HOXD3: variants seen among roughly 807,000 people sequenced by gnomAD.
The protein encoded by HOXD3 is homeobox D3.
Under a neutral mutation model 32.8 loss-of-function variants are expected in HOXD3, and 13 were observed. The ratio of observed to expected loss-of-function variants is 0.40; its 90% CI spans 0.26 to 0.63. HOXD3 has a LOEUF of 0.63. HOXD3 is among the 20% of genes least tolerant of loss of function. HOXD3 has a pLI of 0.44. For missense variants in HOXD3, 504 were observed against 577.1 expected (o/e 0.87, Z 1.30); for synonymous variants, 241 against 246.8 (o/e 0.98, Z 0.22).
At chr2:176,170,194 C>T (rs567275857) in intron 3 of HOXD3, among the ~76,000 whole-genome samples, 3 of 152,314 alleles carry the variant, frequency 2.0e-5, no homozygotes, top group Admixed American at 2.0e-4. Context: ...AGAGGATAGG[C>T]AACTTGCCCA....
upstream of HOXD3, among the ~76,000 whole-genome samples, chr2:176,154,720 C>G (rs978255725): frequency 6.6e-6 from 1 of 152,178 alleles, no homozygotes; most frequent in African/African-American, 2.4e-5. Context: ...AAGCCTTGGT[C>G]TTTTGTATTA....
intron 1 of HOXD3, among the ~76,000 whole-genome samples, chr2:176,162,966 T>G (rs1690853439): frequency 6.6e-6 from 1 of 152,124 alleles, no homozygotes; most frequent in Non-Finnish European, 1.5e-5. Context: ...AGAGCCCTGG[T>G]ACCTCGGGCC....
At chr2:176,153,136 G>A (rs763138953), upstream of HOXD3, 7 of 514,216 alleles carry the variant, frequency 1.4e-5, no homozygotes, top group South Asian at 8.0e-5. Flanking sequence ...GGGGATGGGA[G>A]GGGGGGCGGG....
chr2:176,172,371 C>G lies in HOXD3; in HGVS notation c.*97C>G, dbSNP rs922159691. On this transcript the variant is annotated 3_prime_UTR_variant, in exon 4 of 4. Coordinates refer to ENST00000683222, the MANE Select transcript of HOXD3 (RefSeq NM_006898.5). Reference sequence around the variant, plus strand: ...CGCGGGGCAGTTCGGGAACCCCCTTCCCCGCTCTTGCCCTGCCGCCGCCTC... The same window carrying G: ...CGCGGGGCAGTTCGGGAACCCCCTTGCCCGCTCTTGCCCTGCCGCCGCCTC... The G allele has an allele frequency of 4.0e-6, 5 of 1,245,596 alleles. No homozygotes were observed. Among genetic ancestry groups the G allele is most frequent in the Non-Finnish European group, 4.3e-6 (4 of 920,188 alleles). 77.2% of individuals were successfully genotyped at this position (1,245,596 alleles called of 1,614,324 possible).
At chr2:176,155,600 C>T (rs1044503154), upstream of HOXD3, among the ~76,000 whole-genome samples, 28 of 152,162 alleles carry the variant, frequency 1.8e-4, no homozygotes, top group Non-Finnish European at 2.9e-4. Flanking sequence ...TTTGGGCCCA[C>T]AGGAGTGGGC....
At chr2:176,163,777 A>C (rs1056423894) in intron 1 of HOXD3, among the ~76,000 whole-genome samples, 3 of 152,018 alleles carry the variant, frequency 2.0e-5, no homozygotes, top group Admixed American at 1.3e-4. Context: ...GCAGGAGGAG[A>C]GCAGATTGGC....
intron 2 of HOXD3, among the ~76,000 whole-genome samples, chr2:176,168,656 C>G (rs1471001907): frequency 6.6e-6 from 1 of 152,080 alleles, no homozygotes; most frequent in South Asian, 2.1e-4. Flanking sequence ...CTGAAATACT[C>G]TGAAATAGCT....
intron 1 of HOXD3, among the ~76,000 whole-genome samples, chr2:176,160,516 T>C (rs1277624187): frequency 2.6e-5 from 4 of 152,210 alleles, no homozygotes; most frequent in Non-Finnish European, 5.9e-5. Context: ...CCTGCGCCCT[T>C]CCTTCCAGCC....
chr2:176,156,379 T>A (rs925934616), upstream of HOXD3, among the ~76,000 whole-genome samples: 1 of 152,194 alleles, frequency 6.6e-6, no homozygotes, highest in African/African-American at 2.4e-5. Flanking sequence ...CCCAGGTTAA[T>A]AGGGGGATCC....
upstream of HOXD3, chr2:176,152,888 C>A (rs371037366): frequency 1.2e-6 from 2 of 1,614,208 alleles, no homozygotes; most frequent in South Asian, 1.1e-5. This position sits in a 1 kb window ranked among gnomAD's most constrained non-coding sequence, Gnocchi z 5.2. Context: ...TCGCCCCCAG[C>A]CAGCATTTAC....
chr2:176,171,468 G>T, intron 3 of HOXD3, 49 bp from the exon 4 acceptor site: 2 of 1,512,070 alleles, frequency 1.3e-6, no homozygotes, highest in Non-Finnish European at 1.8e-6. Flanking sequence ...CAGTCCTGAG[G>T]GTCCCCACCC....
intron 1 of HOXD3, among the ~76,000 whole-genome samples, chr2:176,161,523 C>T (rs778377726): frequency 6.6e-5 from 10 of 152,192 alleles, no homozygotes; most frequent in Non-Finnish European, 1.2e-4. Context: ...GTGTCTTGAG[C>T]TGCCGGGCTG....
chr2:176,161,447 T>A (rs376743655), intron 1 of HOXD3, among the ~76,000 whole-genome samples: 1 of 152,298 alleles, frequency 6.6e-6, no homozygotes, highest in East Asian at 1.9e-4. Flanking sequence ...GAGAATGGGC[T>A]GAAAAAGAAA....
intron 3 of HOXD3, 104 bp from the exon 4 acceptor site, chr2:176,171,413 T>G (rs1266906456): frequency 2.5e-5 from 26 of 1,055,018 alleles, no homozygotes; most frequent in Non-Finnish European, 3.3e-5. Context: ...GGATTGGAGG[T>G]GGGGGGAGGG....
rs1690672711 is a variant in HOXD3 at position 176,157,436 on chromosome 2, C to T, written c.-197C>T. Among the ~76,000 whole-genome samples, 1 of 152,116 alleles carries T rather than the reference C, an allele frequency of 6.6e-6. No individual in the cohort carries two copies. The highest frequency in any genetic ancestry group is 1.5e-5 in the Non-Finnish European group (1 of 68,014). On this transcript the variant is annotated 5_prime_UTR_variant, in exon 1 of 4. Coordinates refer to ENST00000683222, the MANE Select transcript of HOXD3 (RefSeq NM_006898.5). ...CTCCACCCCCGGCCCCCGGCGGGCG[C>T]GGGAGCGCGGCCGCAGGTAAATATT...
intron 1 of HOXD3, among the ~76,000 whole-genome samples, chr2:176,162,016 A>C (rs946550986): frequency 6.6e-6 from 1 of 152,232 alleles, no homozygotes; most frequent in Non-Finnish European, 1.5e-5. Context: ...CCACTGGGCC[A>C]GACCCAACCG....
upstream of HOXD3, among the ~76,000 whole-genome samples, chr2:176,157,161 G>A (rs953479345): frequency 6.6e-5 from 10 of 152,166 alleles, no homozygotes; most frequent in Admixed American, 2.0e-4. Context: ...CGGGCTGGGC[G>A]GCCGGGGCTC....
chr2:176,166,352 C>T (rs1690970533), intron 2 of HOXD3, among the ~76,000 whole-genome samples: 1 of 152,166 alleles, frequency 6.6e-6, no homozygotes, highest in South Asian at 2.1e-4. Context: ...ACTTTGTCAA[C>T]TTGGGAGGCA....
At chr2:176,152,892 C>G (rs763200266), upstream of HOXD3, 17 of 1,614,114 alleles carry the variant, frequency 1.1e-5, no homozygotes, top group Non-Finnish European at 1.4e-5. The surrounding 1 kb of genome is among the most constrained non-coding windows in gnomAD (Gnocchi z 5.2). Context: ...CCCCAGCCAG[C>G]ATTTACAGCC....
Sources: allele counts gnomAD v4.1 joint callset (sites outside exome capture counted in the v4.1 genomes callset), GRCh38; gene constraint gnomAD v4.1.1; non-coding constraint Gnocchi (gnomAD v3.1); transcripts MANE v1.5; gene names NCBI Gene and HGNC (gene_info 2026-07-23, HGNC 2026-07-21).